The following NTRK3 variants were observed in gnomAD, a reference collection of about 807,000 sequenced individuals.
NTRK3 encodes the protein NT-3 growth factor receptor.
In NTRK3, 24 loss-of-function variants were observed where a neutral mutation model predicts 91.7. The observed-to-expected ratio is 0.26, with a 90% CI of 0.19 to 0.37. The LOEUF is 0.37. NTRK3 is among the 10% of genes least tolerant of loss of function. The pLI, the probability that NTRK3 is intolerant of heterozygous loss-of-function variation, is 1.00. For synonymous variants in NTRK3, 483 were observed against 404.0 expected (o/e 1.20, Z -2.34); for missense variants, 880 against 1,068.9 (o/e 0.82, Z 2.46).
intron 13 of NTRK3, among the ~76,000 whole-genome samples, chr15:88,080,253 A>G (rs1178903713): frequency 6.6e-6 from 1 of 152,158 alleles, no homozygotes; most frequent in Non-Finnish European, 1.5e-5. Flanking sequence ...AGTCAAAGAG[A>G]ATATCTTTTT....
At chr15:88,137,585 G>A in intron 6 of NTRK3, 24 bp from the exon 7 acceptor site, 1 of 1,611,698 alleles carries the variant, frequency 6.2e-7, no homozygotes, top group Non-Finnish European at 8.5e-7. Flanking sequence ...GAGAGGGGAA[G>A]GGAACCTCTG....
intron 13 of NTRK3, among the ~76,000 whole-genome samples, chr15:88,119,983 G>C (rs933683358): frequency 5.9e-5 from 9 of 152,154 alleles, no homozygotes; most frequent in African/African-American, 1.9e-4. Context: ...CTAAGACATA[G>C]GGACACTCTG....
At chr15:88,020,635 C>T (rs1051219516) in intron 14 of NTRK3, among the ~76,000 whole-genome samples, 1 of 152,158 alleles carries the variant, frequency 6.6e-6, no homozygotes, top group Admixed American at 6.5e-5. Flanking sequence ...TCAAATTCTC[C>T]TACCGCTTCA....
At chr15:87,994,912 CAGAT>C (rs1363866078) in intron 14 of NTRK3, among the ~76,000 whole-genome samples, 1 of 152,064 alleles carries the variant, frequency 6.6e-6, no homozygotes, top group South Asian at 2.1e-4. Flanking sequence ...TGAAGACTGA[CAGAT>C]GGATAGATGG....
At chr15:88,055,081 T>TA (rs2045564246) in intron 13 of NTRK3, among the ~76,000 whole-genome samples, 1 of 152,172 alleles carries the variant, frequency 6.6e-6, no homozygotes, top group African/African-American at 2.4e-5. Flanking sequence ...GGAGGTGTTT[T>TA]GTGTGAGGGT....
intron 3 of NTRK3, among the ~76,000 whole-genome samples, chr15:88,225,986 G>A (rs984003354): frequency 6.6e-6 from 1 of 152,208 alleles, no homozygotes; most frequent in Non-Finnish European, 1.5e-5. Flanking sequence ...AAAGGGCCGA[G>A]GTGACAAGAC....
intron 6 of NTRK3, 38 bp downstream of exon 6, chr15:88,147,297 C>T (rs774527435): frequency 6.3e-7 from 1 of 1,583,876 alleles, no homozygotes; most frequent in Non-Finnish European, 8.7e-7. Flanking sequence ...CCATTACCAG[C>T]ACTTCAGTAC....
At chr15:88,163,484 A>G (rs1410532388) in intron 5 of NTRK3, among the ~76,000 whole-genome samples, 1 of 152,136 alleles carries the variant, frequency 6.6e-6, no homozygotes, top group Non-Finnish European at 1.5e-5. Flanking sequence ...TCATCCATCC[A>G]TCAAGCTCAG....
chr15:88,040,790 T>A (rs1015853472), intron 13 of NTRK3, among the ~76,000 whole-genome samples: 18 of 152,082 alleles, frequency 1.2e-4, no homozygotes, highest in African/African-American at 3.9e-4. Flanking sequence ...AAAGGAAAGA[T>A]GGAGGGAAAA....
At chr15:87,962,219 C>T (rs956686438) in intron 14 of NTRK3, among the ~76,000 whole-genome samples, 22 of 152,162 alleles carry the variant, frequency 1.4e-4, no homozygotes, top group African/African-American at 2.7e-4. Context: ...TTGTCTTGCC[C>T]GTGCATATGT....
At position 88,237,498 on chromosome 15, in the gene NTRK3, G is replaced by A. The variant is rs994190076; in HGVS notation, c.248+18408C>T. On this transcript the variant is annotated intron_variant, in intron 3 of 18. Coordinates refer to ENST00000394480, the Ensembl canonical transcript of NTRK3. This position sits in a 1 kb window ranked among gnomAD's most constrained non-coding sequence, Gnocchi z 4.0. Reference sequence around the variant, plus strand: ...AGTGTGGTGCTCACTGGTAGCTGTTGAAATAATTAGTTAATTAATTCATAA... The same window carrying A: ...AGTGTGGTGCTCACTGGTAGCTGTTAAAATAATTAGTTAATTAATTCATAA... 1.3e-5 allele frequency among the ~76,000 whole-genome samples: 2 copies of A among 152,194 alleles called. No homozygotes were observed. Among genetic ancestry groups the A allele is most frequent in the Non-Finnish European group, 2.9e-5 (2 of 68,046 alleles).
chr15:87,946,874 C>CTTTTTTTT (rs560114979), intron 14 of NTRK3, among the ~76,000 whole-genome samples: 14 of 85,440 alleles, frequency 1.6e-4, no homozygotes, highest in Non-Finnish European at 2.6e-4. Context: ...TTCGTGGGTT[C>CTTTTTTTT]TTTTTTTTTT....
chr15:87,966,080 AAAC>A lies in NTRK3; in HGVS notation c.1586-25330_1586-25328del, dbSNP rs562898482. 7.2e-3 allele frequency among the ~76,000 whole-genome samples: 1,059 copies of A among 148,062 alleles called. 11 individuals carry two copies. Among genetic ancestry groups the A allele is most frequent in the African/African-American group, 0.025 (994 of 39,228 alleles). On this transcript the variant is annotated intron_variant, in intron 14 of 18. Transcript: ENST00000394480. ...ATGATAGAGCAAAACTGTCTCAAAC[AAAC>A]AAACAAACAAACAAACAAACAAACA...
chr15:87,919,606 A>T, intron 17 of NTRK3, among the ~76,000 whole-genome samples: 1 of 152,234 alleles, frequency 6.6e-6, no homozygotes, highest in East Asian at 1.9e-4. Flanking sequence ...TAGGAGTGCA[A>T]AGATGATAGC....
chr15:88,021,788 C>T (rs2077614789), intron 14 of NTRK3, among the ~76,000 whole-genome samples: 1 of 152,104 alleles, frequency 6.6e-6, no homozygotes, highest in Admixed American at 6.5e-5. Context: ...TTCTTTGGGA[C>T]ATCTGTCATA....
chr15:88,074,300 A>G (rs527991124), intron 13 of NTRK3, among the ~76,000 whole-genome samples: 1 of 152,356 alleles, frequency 6.6e-6, no homozygotes. Context: ...CATCCATTAG[A>G]ATGATGAAGT....
chr15:88,006,818 C>T (rs2076525689), intron 14 of NTRK3, among the ~76,000 whole-genome samples: 1 of 152,206 alleles, frequency 6.6e-6, no homozygotes, highest in Non-Finnish European at 1.5e-5. Flanking sequence ...CTCACACATG[C>T]ACAGCCCATG....
intron 13 of NTRK3, among the ~76,000 whole-genome samples, chr15:88,091,690 A>G (rs1295712229): frequency 6.6e-6 from 1 of 152,200 alleles, no homozygotes; most frequent in East Asian, 1.9e-4. Flanking sequence ...CACATCAATT[A>G]GTGATGTCTG....
intron 17 of NTRK3, among the ~76,000 whole-genome samples, chr15:87,905,367 C>A (rs560120684): frequency 1.3e-5 from 2 of 152,280 alleles, no homozygotes; most frequent in South Asian, 4.1e-4. Flanking sequence ...TGTAGCAGGT[C>A]TCTCTTCCGC....
Sources: gnomAD v4.1 joint callset for allele counts (sites outside exome capture counted in the v4.1 genomes callset) on GRCh38, gnomAD v4.1.1 for gene constraint, Gnocchi (gnomAD v3.1) non-coding constraint, MANE v1.5 for transcripts, NCBI Gene and HGNC (gene_info 2026-07-23, HGNC 2026-07-21) for gene names.